Variants in MSI2 observed in about 807,000 individuals in gnomAD.
The protein encoded by MSI2 is musashi RNA binding protein 2, also known as RNA-binding protein Musashi homolog 2.
In MSI2, 17 loss-of-function variants were observed where a neutral mutation model predicts 45.6. That is an observed-to-expected ratio of 0.37 (90% confidence interval 0.26 to 0.56). The LOEUF (loss-of-function observed/expected upper bound fraction) is 0.56. MSI2 is among the 20% of genes least tolerant of loss of function. The probability of loss-of-function intolerance (pLI) is 0.77; values close to 1 mark genes in which losing one functional copy is unlikely to be tolerated. For synonymous variants in MSI2, 156 were observed against 158.2 expected, an observed-to-expected ratio of 0.99 and a Z score of 0.11; for missense variants, 293 against 444.2, an observed-to-expected ratio of 0.66 and a Z score of 3.06.
chr17:57,633,027 G>A, intron 10 of MSI2: 2 of 1,044,104 alleles, frequency 1.9e-6, no homozygotes, highest in African/African-American at 1.7e-5. Context: ...GCTTTGCTTT[G>A]GTGAACTTGT....
At chr17:57,518,648 C>T (rs1173454738) in intron 6 of MSI2, among the ~76,000 whole-genome samples, 2 of 152,218 alleles carry the variant, frequency 1.3e-5, no homozygotes, top group African/African-American at 4.8e-5. Flanking sequence ...TCCTCTGGAG[C>T]TGGCAGGCTT....
At chr17:57,481,568 CGAT>C (rs976101550) in intron 6 of MSI2, among the ~76,000 whole-genome samples, 3 of 152,178 alleles carry the variant, frequency 2.0e-5, no homozygotes, top group Admixed American at 6.5e-5. Context: ...AGATTGTAGT[CGAT>C]GATATTTCTT....
At chr17:57,385,401 ACT>A (rs1310112022) in intron 5 of MSI2, among the ~76,000 whole-genome samples, 2 of 151,978 alleles carry the variant, frequency 1.3e-5, no homozygotes, top group African/African-American at 4.8e-5. Context: ...TGCTGCTGTG[ACT>A]CTGTCTGCCC....
intron 10 of MSI2, among the ~76,000 whole-genome samples, chr17:57,639,758 G>C (rs1475473130): frequency 1.9e-5 from 1 of 53,388 alleles, no homozygotes; most frequent in Non-Finnish European, 5.1e-5. Context: ...TCCCTTAGTG[G>C]GGAACCTGCT....
chr17:57,480,271 T>C (rs2085622785), intron 6 of MSI2, among the ~76,000 whole-genome samples: 1 of 152,160 alleles, frequency 6.6e-6, no homozygotes, highest in South Asian at 2.1e-4. Context: ...CCACGAAGGC[T>C]CTTTTGTCAG....
At chr17:57,307,674 C>T (rs1016915222) in intron 5 of MSI2, among the ~76,000 whole-genome samples, 13 of 151,932 alleles carry the variant, frequency 8.6e-5, no homozygotes, top group Non-Finnish European at 1.9e-4. Context: ...ATCTACTTGC[C>T]TTGGCCTCCC....
intron 1 of MSI2, 139 bp downstream of exon 1, chr17:57,256,943 T>C: frequency 1.1e-6 from 1 of 902,646 alleles, no homozygotes. Context: ...GTTACACACC[T>C]TTGGATTGCA....
At chr17:57,493,387 C>T (rs1044945738) in intron 6 of MSI2, among the ~76,000 whole-genome samples, 2 of 152,084 alleles carry the variant, frequency 1.3e-5, no homozygotes, top group Admixed American at 6.6e-5. Flanking sequence ...AATGAAATTG[C>T]TGTCCTCACT....
At position 57,488,521 on chromosome 17, in the gene MSI2, T is replaced by TA. The variant is rs149197267; in HGVS notation, c.406-41150dup. 9.6e-3 allele frequency among the ~76,000 whole-genome samples: 1,456 copies of TA among 152,170 alleles called. 18 individuals carry two copies. The highest frequency in any genetic ancestry group is 0.033 in the African/African-American group (1,368 of 41,522). ...ACTTTTCAGAGCCAGAAGTGCTGCT[T>TA]AAAAATGTGTTCAGATCCTGGCCGG... On this transcript the variant is annotated intron_variant, in intron 6 of 13. Transcript: ENST00000284073.
chr17:57,534,762 C>G (rs1377043172), intron 7 of MSI2, among the ~76,000 whole-genome samples: 2 of 152,196 alleles, frequency 1.3e-5, no homozygotes, highest in Non-Finnish European at 2.9e-5. Flanking sequence ...GGCCCTGTCC[C>G]TCACTTCATT....
intron 10 of MSI2, chr17:57,632,413 A>T (rs1452448024): frequency 9.4e-6 from 10 of 1,066,220 alleles, no homozygotes; most frequent in Non-Finnish European, 1.1e-5. Context: ...GGCTGTTGGC[A>T]TAATCACAAG....
the MSI2 span, among the ~76,000 whole-genome samples, chr17:57,691,166 ATCTC>A: frequency 3.0e-5 from 4 of 134,106 alleles, no homozygotes; most frequent in Non-Finnish European, 6.6e-5. Flanking sequence ...CCACTAATCA[ATCTC>A]TCTCTCTTTC....
chr17:57,366,370 C>G (rs12937917), intron 5 of MSI2, among the ~76,000 whole-genome samples: 15,461 of 152,292 alleles, frequency 0.1, 1,001 homozygotes, highest in Non-Finnish European at 0.15. Flanking sequence ...CTTCCCTCCC[C>G]TGAAGGGATC....
the MSI2 span, among the ~76,000 whole-genome samples, chr17:57,698,786 AG>A: frequency 6.6e-6 from 1 of 152,112 alleles, no homozygotes; most frequent in Non-Finnish European, 1.5e-5. Flanking sequence ...AGATACAAGG[AG>A]TAAAGTTCCC....
At chr17:57,576,965 C>T (rs2088067130) in intron 7 of MSI2, among the ~76,000 whole-genome samples, 1 of 152,102 alleles carries the variant, frequency 6.6e-6, no homozygotes, top group Admixed American at 6.5e-5. Flanking sequence ...TTGCACTGCT[C>T]AGACCCCATG....
chr17:57,380,600 G>A (rs1015800587), intron 5 of MSI2, among the ~76,000 whole-genome samples: 26 of 152,290 alleles, frequency 1.7e-4, no homozygotes, highest in African/African-American at 6.3e-4. Context: ...TTGGTGAAAT[G>A]TGCTGGACTA....
intron 10 of MSI2, chr17:57,630,033 C>T (rs1009504682): frequency 2.6e-5 from 4 of 152,300 alleles, no homozygotes; most frequent in African/African-American, 9.7e-5. Flanking sequence ...CAGGAGACAT[C>T]TAGTAGAACT....
intron 5 of MSI2, among the ~76,000 whole-genome samples, chr17:57,362,989 G>A (rs1018609119): frequency 6.6e-6 from 1 of 152,160 alleles, no homozygotes; most frequent in Non-Finnish European, 1.5e-5. Flanking sequence ...TTTATTGTGT[G>A]GTCAGCAGTT....
At chr17:57,415,812 C>T (rs1410764904) in intron 6 of MSI2, among the ~76,000 whole-genome samples, 1 of 152,134 alleles carries the variant, frequency 6.6e-6, no homozygotes, top group Admixed American at 6.5e-5. Context: ...GCCTCTGCCC[C>T]CACCCCTCCA....
Sources: gnomAD v4.1 joint callset for allele counts (sites outside exome capture counted in the v4.1 genomes callset) on GRCh38, gnomAD v4.1.1 for gene constraint, MANE v1.5 for transcripts, NCBI Gene and HGNC (gene_info 2026-07-23, HGNC 2026-07-21) for gene names.